Variants in PKNOX2 observed in about 807,000 individuals in gnomAD.
PKNOX2 encodes homeobox protein PKNOX2.
A neutral mutation model predicts 53.1 loss-of-function variants in PKNOX2; 14 were observed. The observed-to-expected ratio is 0.26, with a 90% CI of 0.17 to 0.41. The LOEUF (loss-of-function observed/expected upper bound fraction) is 0.41, where lower values mean the gene tolerates loss of function less well. PKNOX2 is among the 10% of genes least tolerant of loss of function. The probability of loss-of-function intolerance (pLI) is 1.00; values close to 1 mark genes in which losing one functional copy is unlikely to be tolerated. For synonymous variants in PKNOX2, 257 were observed against 242.8 expected, an observed-to-expected ratio of 1.06 and a Z score of -0.54; for missense variants, 496 against 602.8, an observed-to-expected ratio of 0.82 and a Z score of 1.85.
intron 3 of PKNOX2, among the ~76,000 whole-genome samples, chr11:125,348,313 G>C (rs564444703): frequency 6.6e-6 from 1 of 152,214 alleles, no homozygotes; most frequent in African/African-American, 2.4e-5. Flanking sequence ...CAGCAGCTGA[G>C]CTCCCGGAGT....
Position 125,433,074 on chromosome 11 carries a change from C to G in PKNOX2, c.*1682C>G, listed in dbSNP as rs966182695. On this transcript the variant is annotated 3_prime_UTR_variant, in exon 13 of 13. Transcript: ENST00000298282. ...GGGTGATCCAATCATTTTTTACTCC[C>G]TTTTGATGCCATACATAGAGGAAAG... 3 of 152,672 alleles carry G rather than the reference C, an allele frequency of 2.0e-5. No individual in the cohort carries two copies. Among genetic ancestry groups the G allele is most frequent in the Non-Finnish European group, 4.4e-5 (3 of 68,046 alleles). The allele number at this position is 152,672 out of a possible 1,614,324, so 9.5% of individuals were successfully genotyped here. A position where few individuals can be genotyped will look rare whatever the true frequency, so the allele number is the denominator to read the frequency against.
chr11:125,355,836 C>T (rs1042022716), intron 4 of PKNOX2, among the ~76,000 whole-genome samples: 2 of 152,140 alleles, frequency 1.3e-5, no homozygotes, highest in Non-Finnish European at 1.5e-5. Context: ...TAGGCAAATA[C>T]CTCTCATTCA....
intron 6 of PKNOX2, among the ~76,000 whole-genome samples, chr11:125,394,959 CGTGT>C (rs112812944): frequency 3.3e-5 from 5 of 149,596 alleles, no homozygotes; most frequent in South Asian, 2.1e-4. Context: ...TACGTGCCCT[CGTGT>C]GTGTGTGTGT....
rs1565462466 is a variant in PKNOX2 at position 125,178,651 on chromosome 11, AAGGAAGGAAGGAAGGAAG to A, written c.-201+13876_-201+13893del. Among the ~76,000 whole-genome samples, 98 of 108,544 alleles carry A rather than the reference AAGGAAGGAAGGAAGGAAG, an allele frequency of 9.0e-4. 5 individuals are homozygous for A. Among genetic ancestry groups the A allele is most frequent in the African/African-American group, 5.2e-3 (85 of 16,406 alleles). The allele number at this position is 108,544 out of a possible 152,430, so 71.2% of individuals were successfully genotyped here. A position where few individuals can be genotyped will look rare whatever the true frequency, so the allele number is the denominator to read the frequency against. On this transcript the variant is annotated intron_variant, in intron 1 of 12. Transcript: ENST00000298282. ...GAAAGAAAGAAAGAAAGAAAGAAGG[AAGGAAGGAAGGAAGGAAG>A]GAAAGAAAGAGAGAGAGAGAGAGAG...
chr11:125,342,073 G>T (rs549265838), intron 3 of PKNOX2, among the ~76,000 whole-genome samples: 2 of 152,180 alleles, frequency 1.3e-5, no homozygotes, highest in Non-Finnish European at 2.9e-5. Context: ...AAGGGCACAC[G>T]TTGGCTGGGT....
chr11:125,244,627 T>G (rs1279771247), intron 2 of PKNOX2, among the ~76,000 whole-genome samples: 1 of 152,220 alleles, frequency 6.6e-6, no homozygotes, highest in Admixed American at 6.5e-5. Flanking sequence ...CATTACCAAA[T>G]GCACTGAACC....
At chr11:125,367,040 A>T (rs1207225011) in intron 4 of PKNOX2, among the ~76,000 whole-genome samples, 1 of 152,226 alleles carries the variant, frequency 6.6e-6, no homozygotes, top group Admixed American at 6.5e-5. Flanking sequence ...GCTTATCATC[A>T]TTCACACTTT....
intron 1 of PKNOX2, among the ~76,000 whole-genome samples, chr11:125,216,673 G>A (rs999546233): frequency 3.3e-5 from 5 of 152,164 alleles, no homozygotes; most frequent in East Asian, 1.9e-4. Flanking sequence ...CTGCCCCAGC[G>A]CTCTGGATTT....
At chr11:125,328,359 G>T (rs556368792) in intron 2 of PKNOX2, among the ~76,000 whole-genome samples, 2 of 143,752 alleles carry the variant, frequency 1.4e-5, no homozygotes, top group Admixed American at 1.3e-4. Flanking sequence ...GAGAGAGAGT[G>T]AGTGAGAGAG....
At chr11:125,177,553 G>C (rs1955792469) in intron 1 of PKNOX2, among the ~76,000 whole-genome samples, 1 of 152,204 alleles carries the variant, frequency 6.6e-6, no homozygotes, top group Non-Finnish European at 1.5e-5. Context: ...TTTGTGAAAT[G>C]AGAGTAGCAA....
At chr11:125,170,403 G>A (rs1024507872) in intron 1 of PKNOX2, among the ~76,000 whole-genome samples, 2 of 152,128 alleles carry the variant, frequency 1.3e-5, no homozygotes, top group Non-Finnish European at 2.9e-5. Context: ...ATTTTGATTG[G>A]GGGTGGGAGA....
intron 4 of PKNOX2, among the ~76,000 whole-genome samples, chr11:125,354,878 C>A (rs1265122283): frequency 1.3e-5 from 2 of 151,822 alleles, no homozygotes; most frequent in African/African-American, 4.9e-5. Flanking sequence ...CCCCTTAGTT[C>A]TGTTGCAGTC....
At chr11:125,357,223 G>A (rs1022961104) in intron 4 of PKNOX2, among the ~76,000 whole-genome samples, 18 of 152,116 alleles carry the variant, frequency 1.2e-4, no homozygotes, top group Middle Eastern at 3.2e-3. Flanking sequence ...CTCTCTGCCT[G>A]CTTGGGCCAC....
At chr11:125,175,756 C>A (rs1955666453) in intron 1 of PKNOX2, among the ~76,000 whole-genome samples, 1 of 152,146 alleles carries the variant, frequency 6.6e-6, no homozygotes, top group Non-Finnish European at 1.5e-5. Flanking sequence ...TCAGAGCTGG[C>A]CTCACTTTCC....
intron 6 of PKNOX2, among the ~76,000 whole-genome samples, chr11:125,391,057 T>C (rs1954022261): frequency 6.6e-6 from 1 of 152,174 alleles, no homozygotes; most frequent in Non-Finnish European, 1.5e-5. Flanking sequence ...CGTTAAGGAA[T>C]GTGTGTTTAT....
intron 1 of PKNOX2, among the ~76,000 whole-genome samples, chr11:125,187,671 T>G (rs1956539680): frequency 1.3e-5 from 2 of 152,126 alleles, no homozygotes; most frequent in Admixed American, 1.3e-4. Flanking sequence ...TTTCTTTTTT[T>G]TTTTCCTAAT....
At chr11:125,423,281 C>A (rs996617645) in intron 10 of PKNOX2, among the ~76,000 whole-genome samples, 4 of 152,176 alleles carry the variant, frequency 2.6e-5, no homozygotes, top group African/African-American at 4.8e-5. Flanking sequence ...GTACTTCTAA[C>A]AGTACTGCCT....
At chr11:125,293,979 T>C (rs1343786391) in intron 2 of PKNOX2, among the ~76,000 whole-genome samples, 1 of 152,170 alleles carries the variant, frequency 6.6e-6, no homozygotes, top group Admixed American at 6.5e-5. Flanking sequence ...AAATCCAGAA[T>C]GCTTTGGAAC....
intron 2 of PKNOX2, among the ~76,000 whole-genome samples, chr11:125,253,553 C>T (rs1033427728): frequency 6.6e-6 from 1 of 152,260 alleles, no homozygotes; most frequent in Non-Finnish European, 1.5e-5. Context: ...GCTAGGACTT[C>T]CTTCCTCCCT....
Sources: gnomAD v4.1 joint callset for allele counts (sites outside exome capture counted in the v4.1 genomes callset) on GRCh38, gnomAD v4.1.1 for gene constraint, MANE v1.5 for transcripts, NCBI Gene and HGNC (gene_info 2026-07-23, HGNC 2026-07-21) for gene names.